Variants in ALK observed in about 807,000 individuals in gnomAD.
ALK encodes ALK receptor tyrosine kinase.
In ALK, 74 loss-of-function variants were observed where a neutral mutation model predicts 163.1. The ratio of observed to expected loss-of-function variants is 0.45; its 90% CI spans 0.38 to 0.55. ALK has a LOEUF of 0.55. Ranked by LOEUF, ALK falls within the 20% of genes least tolerant of loss-of-function variation. ALK has a pLI of 0.00. For missense variants in ALK, 2,063 were observed against 2,105.3 expected, an observed-to-expected ratio of 0.98 and a Z score of 0.39; for synonymous variants, 960 against 843.2, an observed-to-expected ratio of 1.14 and a Z score of -2.40.
rs1664484891 is a variant in ALK, at chr2:29,802,257, TCTTG to T, written c.668-84564_668-84561del. ...TGATTGCACTGGGCAACTTCCATGG[TCTTG>T]CTTATCAAGAGAAAGAGGAGAGTAG... On this transcript the variant is annotated intron_variant, in intron 1 of 28. Coordinates refer to ENST00000389048, the MANE Select transcript of ALK (RefSeq NM_004304.5). Among the ~76,000 whole-genome samples the T allele has an allele frequency of 2.0e-5, 3 of 147,728 alleles. No homozygotes were observed. In the South Asian group the frequency reaches 6.6e-4, roughly 33 times the overall value.
At chr2:29,477,779 A>G (rs1209926959) in intron 4 of ALK, among the ~76,000 whole-genome samples, 1 of 152,168 alleles carries the variant, frequency 6.6e-6, no homozygotes, top group Non-Finnish European at 1.5e-5. Flanking sequence ...GGGACTTCAG[A>G]TATGGCTAAA....
At chr2:29,598,002 T>C (rs1675262979) in intron 3 of ALK, among the ~76,000 whole-genome samples, 1 of 152,204 alleles carries the variant, frequency 6.6e-6, no homozygotes, top group Admixed American at 6.5e-5. Flanking sequence ...CTCCTCACTT[T>C]GTGGAGGGGA....
chr2:29,526,281 T>C (rs1672958450), intron 4 of ALK, among the ~76,000 whole-genome samples: 2 of 152,208 alleles, frequency 1.3e-5, no homozygotes, highest in South Asian at 4.1e-4. Context: ...ATTCTGAGAC[T>C]TGTCCAAGCT....
At chr2:29,636,243 G>C (rs568435113) in intron 3 of ALK, among the ~76,000 whole-genome samples, 1 of 151,770 alleles carries the variant, frequency 6.6e-6, no homozygotes. Flanking sequence ...CTTGATAAAG[G>C]TACAAAAACA....
rs112737204 is a variant in ALK, at chr2:29,909,974, C to G, written c.667+10019G>C. ...CAGCAATGGAATATTCATAATGCAC[C>G]ACACCAAAAAAAAAAAAAAAAACAA... On this transcript the variant is annotated intron_variant, in intron 1 of 28. Transcript: ENST00000389048. Among the ~76,000 whole-genome samples, 156 of 135,032 alleles carry G rather than the reference C, an allele frequency of 1.2e-3. 2 individuals are homozygous for G. Among genetic ancestry groups the G allele is most frequent in the Non-Finnish European group, 1.9e-3 (124 of 64,612 alleles). 88.6% of individuals were successfully genotyped at this position (135,032 alleles called of 152,430 possible).
chr2:29,694,826 C>A (rs781333098), intron 3 of ALK, 24 bp downstream of exon 3: 4 of 1,613,074 alleles, frequency 2.5e-6, no homozygotes, highest in Non-Finnish European at 3.4e-6. Context: ...CCACCCAGGA[C>A]ATCACCAGCA....
chr2:29,366,527 C>T (rs1318411772), intron 5 of ALK, among the ~76,000 whole-genome samples: 1 of 152,078 alleles, frequency 6.6e-6, no homozygotes, highest in Non-Finnish European at 1.5e-5. Context: ...TGTGGGCAGA[C>T]CTGGAGGTCC....
chr2:29,786,478 A>T (rs761588516), intron 1 of ALK, among the ~76,000 whole-genome samples: 1 of 152,214 alleles, frequency 6.6e-6, no homozygotes, highest in Non-Finnish European at 1.5e-5. Flanking sequence ...CGCAGCAATC[A>T]ATGTTATACC....
intron 2 of ALK, among the ~76,000 whole-genome samples, chr2:29,712,743 C>G (rs1679138276): frequency 6.6e-6 from 1 of 151,898 alleles, no homozygotes; most frequent in Non-Finnish European, 1.5e-5. Context: ...TCTAATTTTT[C>G]TTTCTAAAAG....
intron 1 of ALK, among the ~76,000 whole-genome samples, chr2:29,721,970 T>A (rs1679434998): frequency 1.3e-5 from 2 of 152,236 alleles, no homozygotes; most frequent in African/African-American, 4.8e-5. Context: ...CACCTCAAGG[T>A]CGCCGACGAC....
At position 29,228,924 on chromosome 2, in the gene ALK, T is replaced by TTCCC; in HGVS notation, c.2774_2775insGGGA (p.Gly927ArgfsTer22). 1 of 541,058 alleles carries TTCCC rather than the reference T, an allele frequency of 1.8e-6. No homozygotes were observed. Among genetic ancestry groups the TTCCC allele is most frequent in the Non-Finnish European group, 2.8e-6 (1 of 359,748 alleles). The allele number at this position is 541,058 out of a possible 1,614,324, so 33.5% of individuals were successfully genotyped here. On this transcript the variant is annotated frameshift_variant, in exon 16 of 29. Transcript: ENST00000389048. LOFTEE classifies it high-confidence loss of function. ...CTCCTCCACCTGAGGAGCACCCCCC[T>TTCCC]CCACCCCCTCCGAAACCCCCTCTTG...
At chr2:29,729,465 C>T (rs571074610) in intron 1 of ALK, among the ~76,000 whole-genome samples, 1 of 152,164 alleles carries the variant, frequency 6.6e-6, no homozygotes, top group South Asian at 2.1e-4. Flanking sequence ...CATTTTTTCA[C>T]TATCTGGAAG....
chr2:29,250,768 T>C (rs1460626933), intron 12 of ALK, among the ~76,000 whole-genome samples: 2 of 152,348 alleles, frequency 1.3e-5, no homozygotes, highest in African/African-American at 4.8e-5. Flanking sequence ...ACATTTTACA[T>C]GCATGCCTCA....
At chr2:29,645,453 T>G (rs991189037) in intron 3 of ALK, among the ~76,000 whole-genome samples, 1 of 152,124 alleles carries the variant, frequency 6.6e-6, no homozygotes, top group Admixed American at 6.6e-5. Flanking sequence ...TTTCTCAGAT[T>G]CCAAATACTC....
chr2:29,612,232 T>C (rs1305625453), intron 3 of ALK, among the ~76,000 whole-genome samples: 1 of 152,192 alleles, frequency 6.6e-6, no homozygotes, highest in African/African-American at 2.4e-5. Flanking sequence ...GCTAATAGCA[T>C]CTCTGATTTT....
intron 9 of ALK, among the ~76,000 whole-genome samples, chr2:29,280,129 C>T (rs1038635916): frequency 2.0e-5 from 3 of 151,422 alleles, no homozygotes; most frequent in Non-Finnish European, 4.4e-5. Context: ...AAAGTTCTAT[C>T]ATGTATGAGG....
intron 1 of ALK, among the ~76,000 whole-genome samples, chr2:29,764,030 A>G (rs1222071025): frequency 5.3e-5 from 8 of 152,014 alleles, no homozygotes; most frequent in Non-Finnish European, 8.8e-5. Context: ...AAGAGGACAA[A>G]CCCTCAGAGA....
chr2:29,413,755 A>T (rs919546959), intron 4 of ALK, among the ~76,000 whole-genome samples: 2 of 151,560 alleles, frequency 1.3e-5, no homozygotes, highest in African/African-American at 4.9e-5. Flanking sequence ...CTGGTCTCGA[A>T]CTCCTGACCT....
intron 3 of ALK, among the ~76,000 whole-genome samples, chr2:29,584,101 C>T (rs1674803791): frequency 6.6e-6 from 1 of 151,882 alleles, no homozygotes; most frequent in Non-Finnish European, 1.5e-5. Flanking sequence ...AAGAGAGCCC[C>T]CTGAAATACC....
Sources: allele counts gnomAD v4.1 joint callset (sites outside exome capture counted in the v4.1 genomes callset), GRCh38; gene constraint gnomAD v4.1.1; transcripts MANE v1.5; gene names NCBI Gene and HGNC (gene_info 2026-07-23, HGNC 2026-07-21).